Variants in PRKAR2A observed in about 807,000 individuals in gnomAD.
PRKAR2A encodes protein kinase cAMP-dependent type II regulatory subunit alpha.
A neutral mutation model predicts 51.9 loss-of-function variants in PRKAR2A; 29 were observed. That is an observed-to-expected ratio of 0.56 (90% CI 0.42 to 0.76). PRKAR2A has a LOEUF of 0.76. PRKAR2A is among the 30% of genes least tolerant of loss of function. The pLI, the probability that PRKAR2A is intolerant of heterozygous loss-of-function variation, is 0.00. For synonymous variants in PRKAR2A, 178 were observed against 186.2 expected, an observed-to-expected ratio of 0.96 and a Z score of 0.36; for missense variants, 445 against 512.1, an observed-to-expected ratio of 0.87 and a Z score of 1.26.
At chr3:48,785,590 T>A (rs1310139216) in intron 4 of PRKAR2A, among the ~76,000 whole-genome samples, 1 of 151,968 alleles carries the variant, frequency 6.6e-6, no homozygotes, top group Non-Finnish European at 1.5e-5. Context: ...AGAGACAGGG[T>A]TTCACCATGT....
intron 6 of PRKAR2A, among the ~76,000 whole-genome samples, chr3:48,768,460 G>A (rs1407831782): frequency 6.6e-6 from 1 of 152,082 alleles, no homozygotes. Context: ...CATTTTGGGA[G>A]GCCAAAGTGG....
chr3:48,784,434 G>A (rs564238902), intron 4 of PRKAR2A, among the ~76,000 whole-genome samples: 1 of 152,272 alleles, frequency 6.6e-6, no homozygotes, highest in Middle Eastern at 3.4e-3. Flanking sequence ...TGCAACTGAC[G>A]TGTTACCCAC....
Position 48,847,038 on chromosome 3 carries a change from C to T in PRKAR2A, c.262+297G>A, listed in dbSNP as rs1292775106. ...TTCGAAGCCAAAACTGGTGAAGGGT[C>T]TTAAGCAAAGGCGAGGGATCCTCTA... On this transcript the variant is annotated intron_variant, in intron 1 of 10. Transcript: ENST00000265563. The surrounding 1 kb of genome is among the most constrained non-coding windows in gnomAD (Gnocchi z 4.4). Among the ~76,000 whole-genome samples, 1 of 152,268 alleles carries T rather than the reference C, an allele frequency of 6.6e-6. No individual in the cohort carries two copies. Among genetic ancestry groups the T allele is most frequent in the African/African-American group, 2.4e-5 (1 of 41,474 alleles).
At chr3:48,783,439 T>TC (rs2082235061) in intron 4 of PRKAR2A, among the ~76,000 whole-genome samples, 1 of 152,188 alleles carries the variant, frequency 6.6e-6, no homozygotes, top group African/African-American at 2.4e-5. Context: ...AGTCATATGC[T>TC]CCCACCTTCC....
At chr3:48,784,680 A>G (rs1277644987) in intron 4 of PRKAR2A, among the ~76,000 whole-genome samples, 2 of 152,210 alleles carry the variant, frequency 1.3e-5, no homozygotes, top group African/African-American at 4.8e-5. Flanking sequence ...TCTAGGTTAG[A>G]GGAGACTAAA....
chr3:48,845,401 C>G (rs998411379), intron 1 of PRKAR2A, among the ~76,000 whole-genome samples: 1 of 152,136 alleles, frequency 6.6e-6, no homozygotes, highest in African/African-American at 2.4e-5. Context: ...CAGCAATGAC[C>G]GTTAATTAAC....
chr3:48,839,422 T>C (rs1162140681), intron 1 of PRKAR2A, among the ~76,000 whole-genome samples: 2 of 150,540 alleles, frequency 1.3e-5, no homozygotes, highest in Non-Finnish European at 3.0e-5. Flanking sequence ...AAAAAAATGC[T>C]GAGAGACCGG....
At chr3:48,781,757 C>T (rs999648141) in intron 5 of PRKAR2A, among the ~76,000 whole-genome samples, 2 of 151,862 alleles carry the variant, frequency 1.3e-5, no homozygotes, top group East Asian at 1.9e-4. Context: ...GTGATCTGCC[C>T]GCCTCAGCCT....
At chr3:48,835,639 CAAAA>C (rs760971706) in intron 1 of PRKAR2A, among the ~76,000 whole-genome samples, 1 of 48,526 alleles carries the variant, frequency 2.1e-5, no homozygotes, top group African/African-American at 7.8e-5. Flanking sequence ...GACTCCGTCT[CAAAA>C]AAAAAAAAAA....
chr3:48,789,021 A>C (rs1319537227), intron 4 of PRKAR2A, among the ~76,000 whole-genome samples: 1 of 152,072 alleles, frequency 6.6e-6, no homozygotes, highest in East Asian at 1.9e-4. Flanking sequence ...CACTGTGGTA[A>C]GCCAGTGAGT....
At position 48,847,295 on chromosome 3, in the gene PRKAR2A, ACCT is replaced by A; in HGVS notation, c.262+37_262+39del. ...CTGCCACCCCTCTAGACCTCTGGAG[ACCT>A]CCTGCACCACTCCCCAGGGCCCCGC... On this transcript the variant is annotated intron_variant, in intron 1 of 10. Coordinates refer to ENST00000265563, the MANE Select transcript of PRKAR2A (RefSeq NM_004157.4). This position sits in a 1 kb window ranked among gnomAD's most constrained non-coding sequence, Gnocchi z 4.4. 6.2e-7 allele frequency: 1 copy of A among 1,603,682 alleles called. No homozygotes were observed. Among genetic ancestry groups the A allele is most frequent in the Non-Finnish European group, 8.5e-7 (1 of 1,175,178 alleles).
intron 1 of PRKAR2A, among the ~76,000 whole-genome samples, chr3:48,815,303 T>A (rs549249502): frequency 1.3e-5 from 2 of 151,822 alleles, no homozygotes; most frequent in African/African-American, 2.4e-5. Context: ...CACATACACA[T>A]ACATATAAAA....
intron 1 of PRKAR2A, among the ~76,000 whole-genome samples, chr3:48,816,714 G>GCAGTA (rs1224304316): frequency 6.6e-6 from 1 of 152,132 alleles, no homozygotes; most frequent in Non-Finnish European, 1.5e-5. Flanking sequence ...TCTCTCAACA[G>GCAGTA]CAGTACAGTA....
At chr3:48,771,956 T>C (rs2082036060) in intron 6 of PRKAR2A, among the ~76,000 whole-genome samples, 1 of 152,152 alleles carries the variant, frequency 6.6e-6, no homozygotes, top group Admixed American at 6.6e-5. Context: ...GTTTTTGAGA[T>C]GGAGTTTTGC....
At chr3:48,781,666 C>T (rs1462958506) in intron 5 of PRKAR2A, among the ~76,000 whole-genome samples, 1 of 152,098 alleles carries the variant, frequency 6.6e-6, no homozygotes, top group African/African-American at 2.4e-5. Context: ...GCGCGTGCCA[C>T]CATGCCCAGA....
At chr3:48,775,471 A>G (rs985225078) in intron 5 of PRKAR2A, among the ~76,000 whole-genome samples, 11 of 150,944 alleles carry the variant, frequency 7.3e-5, no homozygotes, top group Admixed American at 6.0e-4. Context: ...ACAAAACGAT[A>G]CAATTATTTA....
At chr3:48,770,057 G>A (rs189126460) in intron 6 of PRKAR2A, among the ~76,000 whole-genome samples, 10 of 152,240 alleles carry the variant, frequency 6.6e-5, no homozygotes, top group Non-Finnish European at 1.3e-4. Context: ...ATTACATCAT[G>A]AGTCACCACA....
chr3:48,842,794 T>G (rs1417992351), intron 1 of PRKAR2A, among the ~76,000 whole-genome samples: 1 of 152,208 alleles, frequency 6.6e-6, no homozygotes. Context: ...AGCTTTTTGA[T>G]GTGCTGCTGG....
At chr3:48,835,741 C>T (rs1338407705) in intron 1 of PRKAR2A, among the ~76,000 whole-genome samples, 1 of 149,282 alleles carries the variant, frequency 6.7e-6, no homozygotes, top group Non-Finnish European at 1.5e-5. Context: ...GTGAGCCAAT[C>T]GTGTCACTGC....
Sources: gnomAD v4.1 joint callset for allele counts (sites outside exome capture counted in the v4.1 genomes callset) on GRCh38, gnomAD v4.1.1 for gene constraint, Gnocchi (gnomAD v3.1) non-coding constraint, MANE v1.5 for transcripts, NCBI Gene and HGNC (gene_info 2026-07-23, HGNC 2026-07-21) for gene names.